Variants in PLD3 observed in about 807,000 individuals in gnomAD.
PLD3 encodes 5'-3' exonuclease PLD3.
A neutral mutation model predicts 58.4 loss-of-function variants in PLD3; 31 were observed. That is an observed-to-expected ratio of 0.53 (90% confidence interval 0.40 to 0.72). The LOEUF (loss-of-function observed/expected upper bound fraction) is 0.72, where lower values mean the gene tolerates loss of function less well. PLD3 is among the 30% of genes least tolerant of loss of function. PLD3 has a pLI of 0.00. For missense variants in PLD3, 595 were observed against 659.8 expected (o/e 0.90, Z 1.08); for synonymous variants, 264 against 273.4 (o/e 0.97, Z 0.34).
chr19:40,352,381 G>T (rs559135608), intron 1 of PLD3, among the ~76,000 whole-genome samples: 2 of 152,132 alleles, frequency 1.3e-5, no homozygotes, highest in African/African-American at 4.8e-5. Context: ...CCCAGACGGT[G>T]GGGGGCAGGC....
chr19:40,355,086 AC>A (rs1568649519), intron 1 of PLD3, among the ~76,000 whole-genome samples: 1 of 143,644 alleles, frequency 7.0e-6, no homozygotes, highest in African/African-American at 2.6e-5. Flanking sequence ...TGATACACCC[AC>A]CTCGGCCTCC....
In PLD3 at chr19:40,378,390, AT is replaced by A; in HGVS notation, c.*218del. The A allele has an allele frequency of 1.6e-6, 1 of 644,236 alleles. No individual in the cohort carries two copies. The highest frequency in any genetic ancestry group is 2.8e-6 in the Non-Finnish European group (1 of 357,128). 39.9% of individuals were successfully genotyped at this position (644,236 alleles called of 1,614,324 possible). On this transcript the variant is annotated 3_prime_UTR_variant, in exon 13 of 13. Transcript: ENST00000409735. ...GGGGGAGGGATCAGCCCCCAAAGAA[AT>A]GGGGGTGCATGCTGGGCCTGGCCCC...
Position 40,364,719 on chromosome 19 carries a change from C to T in PLD3, c.-278-999C>T, listed in dbSNP as rs771817679. 1.1e-4 allele frequency among the ~76,000 whole-genome samples: 17 copies of T among 150,890 alleles called. No individual in the cohort carries two copies. The East Asian group carries it at 2.4e-3, about 21-fold the overall frequency. ...GCTGAGGTGGGCGAATTGCTCGAAC[C>T]AGGGAGGTGGAGGTTGCAGTGAGCC... is the stretch of plus-strand genomic sequence containing the variant. On this transcript the variant is annotated intron_variant, in intron 1 of 12. Coordinates refer to ENST00000409735, the MANE Select transcript of PLD3 (RefSeq NM_012268.4).
intron 6 of PLD3, 101 bp downstream of exon 6, chr19:40,367,980 AG>A (rs2078971856): frequency 2.0e-6 from 2 of 1,017,236 alleles, no homozygotes; most frequent in African/African-American, 1.6e-5. Flanking sequence ...CAGGAGACAG[AG>A]GGGTGTGTCT....
rs767369618 is a variant in PLD3, at chr19:40,366,525, G to T, written c.27+15G>T. 4 of 1,611,840 alleles carry T rather than the reference G, an allele frequency of 2.5e-6. No individual in the cohort carries two copies. Among genetic ancestry groups the T allele is most frequent in the Non-Finnish European group, 3.4e-6 (4 of 1,178,634 alleles). The stretch of plus-strand genomic sequence containing the variant: ...TGTACCAGGAGGTAGGTGGATTGGG[G>T]GGCTCAGCAGGGTGGAACTGGGTAC... On this transcript the variant is annotated intron_variant, in intron 3 of 12. Transcript: ENST00000409735.
intron 1 of PLD3, chr19:40,359,362 A>G (rs980613807): frequency 6.6e-6 from 1 of 152,124 alleles, no homozygotes; most frequent in Non-Finnish European, 1.5e-5. Flanking sequence ...ACCTGATTTC[A>G]TCTCATGTCA....
intron 9 of PLD3, 35 bp downstream of exon 9, chr19:40,371,908 A>G (rs772256343): frequency 6.5e-7 from 1 of 1,542,906 alleles, no homozygotes. Flanking sequence ...GTCATGTCCC[A>G]GCCCCATGCC....
At chr19:40,372,623 ATTTC>A (rs2079093144) in intron 9 of PLD3, among the ~76,000 whole-genome samples, 2 of 123,610 alleles carry the variant, frequency 1.6e-5, no homozygotes, top group East Asian at 5.1e-4. Flanking sequence ...GGGAGACATC[ATTTC>A]TTTCTATTTT....
At chr19:40,354,372 T>C (rs1233647381) in intron 1 of PLD3, among the ~76,000 whole-genome samples, 15 of 151,014 alleles carry the variant, frequency 9.9e-5, no homozygotes, top group Non-Finnish European at 2.2e-4. Flanking sequence ...ACGCCTGGCC[T>C]AGGCTTTTTA....
intron 8 of PLD3, 149 bp downstream of exon 8, chr19:40,370,386 A>C: frequency 2.6e-5 from 21 of 811,750 alleles, no homozygotes; most frequent in Non-Finnish European, 2.9e-5. Flanking sequence ...GGCCTCCCTA[A>C]TCCAAGCCAT....
rs191901653 is a variant in PLD3 at position 40,355,104 on chromosome 19, G to C, written c.-279+6336G>C. ...TACACCCACCTCGGCCTCCCAAAGT[G>C]CTGGGATTACAAGCATGAGCCACCA... On this transcript the variant is annotated intron_variant, in intron 1 of 12. Coordinates refer to ENST00000409735, the MANE Select transcript of PLD3 (RefSeq NM_012268.4). Among the ~76,000 whole-genome samples the C allele has an allele frequency of 2.0e-3, 301 of 152,198 alleles. 1 individual carries two copies. Among genetic ancestry groups the C allele is most frequent in the African/African-American group, 7.0e-3 (289 of 41,532 alleles).
At chr19:40,377,911 G>A (rs367868965) in intron 12 of PLD3, 26 bp downstream of exon 12, 210 of 1,612,682 alleles carry the variant, frequency 1.3e-4, no homozygotes, top group Non-Finnish European at 1.7e-4. Context: ...ACCACGGGGC[G>A]CTGAAGAAGA....
chr19:40,378,121 A>G lies in PLD3; in HGVS notation c.1421A>G (p.His474Arg). Residue 474 changes from histidine to arginine, a missense_variant, in exon 13 of 13, where the codon CAT (histidine) becomes CGT (arginine). Transcript: ENST00000409735. ...AGGGACTGGGACTCCCCTTACAGCC[A>G]TGACCTTGACACCTCAGCTGACAGC... ...FLRDWDSPYSHDLDTSADSVG... is the reference protein window; with the variant it reads ...FLRDWDSPYSRDLDTSADSVG... 1 of 1,613,832 alleles carries G rather than the reference A, an allele frequency of 6.2e-7. No individual in the cohort carries two copies.
chr19:40,377,834 G>T lies in PLD3; in HGVS notation c.1234G>T (p.Ala412Ser). The T allele has an allele frequency of 6.2e-7, 1 of 1,613,924 alleles. No individual in the cohort carries two copies. The highest frequency in any genetic ancestry group is 8.5e-7 in the Non-Finnish European group (1 of 1,179,908). ...ADEAQARIPY[A>S]RVNHNKYMVT... ...TGAGGCCCAGGCTCGAATCCCATATGCCCGTGTCAACCACAACAAGTACAT... is the reference window on the plus strand; with the variant it reads ...TGAGGCCCAGGCTCGAATCCCATATTCCCGTGTCAACCACAACAAGTACAT... Residue 412 changes from alanine (A) to serine (S), a missense_variant, in exon 12 of 13, where the codon GCC becomes TCC. Coordinates refer to ENST00000409735, the MANE Select transcript of PLD3 (RefSeq NM_012268.4).
rs201264139 is a variant in PLD3, at chr19:40,374,417, T to G, written c.880-64T>G. The G allele has an allele frequency of 1.1e-3, 1,735 of 1,579,350 alleles. 1 individual carries two copies. The highest frequency in any genetic ancestry group is 1.4e-3 in the Non-Finnish European group (1,624 of 1,156,714). On this transcript the variant is annotated intron_variant, in intron 9 of 12. Transcript: ENST00000409735. ...CCTGGCTTGTGGTGAGCTGTCCGTA[T>G]GTGGGGTCCGTTGTGACGATGACCC...
chr19:40,367,589 A>C (rs2078959203), intron 5 of PLD3, 107 bp from the exon 6 acceptor site: 2 of 1,001,338 alleles, frequency 2.0e-6, no homozygotes, highest in Non-Finnish European at 2.9e-6. Flanking sequence ...CTCTAAAAAA[A>C]AAAAAATACA....
rs780172579 is a variant in PLD3, at chr19:40,366,665, C to T, written c.83C>T (p.Ala28Val). Reference protein sequence around the residue: ...ANELPMNEIEAWKAAEKKARW... With the variant: ...ANELPMNEIEVWKAAEKKARW... ...GAGCTGCCCATGAATGAGATTGAGG[C>T]GTGGAAGGCTGCGGAAAAGGTAGGA... Residue 28 changes from alanine to valine, a missense_variant, in exon 4 of 13, where the codon GCG becomes GTG. Ala to Val is a moderately conservative substitution (Grantham distance 64, BLOSUM62 0). Coordinates refer to ENST00000409735, the MANE Select transcript of PLD3 (RefSeq NM_012268.4). 9 of 1,600,886 alleles carry T rather than the reference C, an allele frequency of 5.6e-6. No individual in the cohort carries two copies. The African/African-American group carries it at 6.7e-5, about 12-fold the overall frequency.
In PLD3 at chr19:40,374,515, C is replaced by T; in HGVS notation, c.914C>T (p.Thr305Ile). ...CCACCCCTGTGTCCAAGTGGCCGCA[C>T]TCCAGACCTGAAGGCTCTACTCAAC... ...APPPLCPSGR[T>I]PDLKALLNVV... The change falls in exon 10 of 13, where the codon ACT becomes ATT. Residue 305 changes from threonine to isoleucine, a missense_variant. Transcript: ENST00000409735. 6.2e-7 allele frequency: 1 copy of T among 1,614,168 alleles called. No individual in the cohort carries two copies. Among genetic ancestry groups the T allele is most frequent in the Non-Finnish European group, 8.5e-7 (1 of 1,180,018 alleles).
chr19:40,356,853 T>C (rs550607780), intron 1 of PLD3: 5 of 152,044 alleles, frequency 3.3e-5, no homozygotes, highest in Admixed American at 6.6e-5. Context: ...AAGAAGTTTG[T>C]CCTTTGTCCT....
Sources: allele counts gnomAD v4.1 joint callset (sites outside exome capture counted in the v4.1 genomes callset), GRCh38; gene constraint gnomAD v4.1.1; transcripts MANE v1.5; gene names NCBI Gene and HGNC (gene_info 2026-07-23, HGNC 2026-07-21).